The following KALRN variants were observed in gnomAD, a reference collection of about 807,000 sequenced individuals.
The protein encoded by KALRN is kalirin RhoGEF kinase.
Under a neutral mutation model 353.7 loss-of-function variants are expected in KALRN, and 70 were observed. The observed-to-expected ratio is 0.20, with a 90% CI of 0.16 to 0.24. KALRN has a LOEUF of 0.24. Among genes scored for constraint, KALRN ranks in the 10% least tolerant of loss-of-function variants. The pLI is 1.00. For missense variants in KALRN, 2,791 were observed against 3,756.7 expected (o/e 0.74, Z 6.72); for synonymous variants, 1,391 against 1,434.8 (o/e 0.97, Z 0.69).
intron 1 of KALRN, among the ~76,000 whole-genome samples, chr3:124,158,161 C>T (rs1299080398): frequency 5.3e-5 from 8 of 152,254 alleles, no homozygotes; most frequent in African/African-American, 1.9e-4. Context: ...TCACCTCCAC[C>T]CCACCCTCTG....
chr3:124,355,789 C>CACTGCAA (rs1474866231), intron 10 of KALRN, among the ~76,000 whole-genome samples: 1 of 138,074 alleles, frequency 7.2e-6, no homozygotes, highest in Non-Finnish European at 1.5e-5. Flanking sequence ...AACCTTGGCT[C>CACTGCAA]ACTGCAATCT....
chr3:124,101,375 G>T (rs939094307), intron 1 of KALRN, among the ~76,000 whole-genome samples: 35 of 152,184 alleles, frequency 2.3e-4, no homozygotes, highest in African/African-American at 8.2e-4. Flanking sequence ...TATTCTGCCA[G>T]AATTAGAGAA....
intron 1 of KALRN, among the ~76,000 whole-genome samples, chr3:124,074,538 T>A (rs2060175981): frequency 6.6e-6 from 1 of 152,222 alleles, no homozygotes; most frequent in South Asian, 2.1e-4. Context: ...GAATTTATCT[T>A]ATCTGGAGAG....
chr3:124,306,392 CAG>C (rs942648447), intron 6 of KALRN, among the ~76,000 whole-genome samples: 5 of 151,892 alleles, frequency 3.3e-5, no homozygotes, highest in African/African-American at 9.7e-5. Context: ...CAAGAAAAAA[CAG>C]AATTAACAAT....
At chr3:124,592,516 A>G (rs2075901342) in intron 34 of KALRN, among the ~76,000 whole-genome samples, 1 of 151,738 alleles carries the variant, frequency 6.6e-6, no homozygotes, top group African/African-American at 2.4e-5. Flanking sequence ...TAGCAATATC[A>G]TTGGAAACGT....
chr3:124,288,152 G>A (rs1367024618), intron 5 of KALRN, among the ~76,000 whole-genome samples: 1 of 152,122 alleles, frequency 6.6e-6, no homozygotes, highest in South Asian at 2.1e-4. Flanking sequence ...TGGGATTACA[G>A]GTGTGAGCCA....
chr3:124,118,982 C>G (rs983640892), intron 1 of KALRN, among the ~76,000 whole-genome samples: 36 of 152,200 alleles, frequency 2.4e-4, no homozygotes, highest in Non-Finnish European at 1.5e-4. Flanking sequence ...TGTTCCAATT[C>G]CGGTCTCCTT....
At chr3:124,146,634 T>C (rs1273158837) in intron 1 of KALRN, among the ~76,000 whole-genome samples, 3 of 151,840 alleles carry the variant, frequency 2.0e-5, no homozygotes, top group Non-Finnish European at 2.9e-5. Context: ...TCCCAGCACT[T>C]TGGGAGGCCG....
At chr3:124,275,368 T>C (rs1203420205) in intron 5 of KALRN, among the ~76,000 whole-genome samples, 1 of 152,250 alleles carries the variant, frequency 6.6e-6, no homozygotes, top group East Asian at 1.9e-4. Context: ...TAATACTTTT[T>C]GCTTTTGTGC....
At chr3:124,579,588 G>A (rs1444410886) in intron 34 of KALRN, among the ~76,000 whole-genome samples, 2 of 152,116 alleles carry the variant, frequency 1.3e-5, no homozygotes, top group Admixed American at 6.6e-5. Flanking sequence ...GCACAAGTAA[G>A]GTCCAGGAAT....
At chr3:124,058,557 C>A (rs2041750889) in intron 1 of KALRN, among the ~76,000 whole-genome samples, 1 of 152,190 alleles carries the variant, frequency 6.6e-6, no homozygotes, top group Non-Finnish European at 1.5e-5. Context: ...TCTTCTTTCT[C>A]AAGCTTGAAA....
chr3:124,033,390 G>T lies in KALRN; in HGVS notation c.-351G>T, dbSNP rs1191413293. Among the ~76,000 whole-genome samples the T allele has an allele frequency of 6.6e-6, 1 of 151,900 alleles. No individual in the cohort carries two copies. Among genetic ancestry groups the T allele is most frequent in the South Asian group, 2.1e-4 (1 of 4,824 alleles). On this transcript the variant is annotated 5_prime_UTR_variant, in exon 1 of 60. Coordinates refer to ENST00000682506, the MANE Select transcript of KALRN (RefSeq NM_001388419.1). The surrounding 1 kb of genome is among the most constrained non-coding windows in gnomAD (Gnocchi z 6.2). ...GAACAATAGAGACAGGCAGACGGGC[G>T]AGCAGGAGAGCCAGCTGCCGCTGCT...
intron 51 of KALRN, among the ~76,000 whole-genome samples, chr3:124,684,100 A>G (rs781293816): frequency 6.6e-6 from 1 of 152,146 alleles, no homozygotes; most frequent in Non-Finnish European, 1.5e-5. Flanking sequence ...GAAATTCTTT[A>G]GTGGACCCAG....
At chr3:124,701,795 T>G (rs915448635) in intron 56 of KALRN, among the ~76,000 whole-genome samples, 1 of 152,174 alleles carries the variant, frequency 6.6e-6, no homozygotes, top group African/African-American at 2.4e-5. Flanking sequence ...TATTTCTGAT[T>G]GTACTGCGTT....
At chr3:124,362,953 G>A (rs577987855) in intron 10 of KALRN, among the ~76,000 whole-genome samples, 3 of 152,080 alleles carry the variant, frequency 2.0e-5, no homozygotes, top group South Asian at 2.1e-4. Flanking sequence ...TTCATCCGCT[G>A]TAGCTGTCAC....
chr3:124,539,966 GTGGCA>G (rs2068867907), intron 33 of KALRN, among the ~76,000 whole-genome samples: 1 of 151,908 alleles, frequency 6.6e-6, no homozygotes, highest in Non-Finnish European at 1.5e-5. Flanking sequence ...CTGGAGTGCA[GTGGCA>G]TGATCTTGAC....
At position 124,496,372 on chromosome 3, in the gene KALRN, A is replaced by C. The variant is rs747178985; in HGVS notation, c.4894A>C (p.Ile1632Leu). The change falls in exon 33 of 60, where the codon ATT (isoleucine) becomes CTT (leucine). Residue 1632 changes from isoleucine to leucine, a missense_variant. This residue lies in a region of KALRN where 239 missense variants were observed against 351.3 expected (regional missense o/e 0.68). Coordinates refer to ENST00000682506, the MANE Select transcript of KALRN (RefSeq NM_001388419.1). ...DGSSQPDTIS[I>L]ASRTSQNTVD... ...GAGCAGCCAACCAGACACCATCTCC[A>C]TTGCTTCTAGGACCTCTCAGAACAC... 8 of 1,612,488 alleles carry C rather than the reference A, an allele frequency of 5.0e-6. No individual in the cohort carries two copies. Among genetic ancestry groups the C allele is most frequent in the Non-Finnish European group, 6.8e-6 (8 of 1,179,520 alleles).
intron 34 of KALRN, among the ~76,000 whole-genome samples, chr3:124,623,613 C>T (rs561670788): frequency 1.3e-5 from 2 of 152,224 alleles, no homozygotes; most frequent in South Asian, 2.1e-4. Context: ...AGTCTTTTCA[C>T]GTTTTATCTG....
Position 124,109,891 on chromosome 3 carries a change from T to C in KALRN, c.73+76078T>C, listed in dbSNP as rs13060053. Among the ~76,000 whole-genome samples, 16 of 7,802 alleles carry C rather than the reference T, an allele frequency of 2.1e-3. 1 individual carries two copies. Among genetic ancestry groups the C allele is most frequent in the South Asian group, 0.016 (1 of 64 alleles). The allele number at this position is 7,802 out of a possible 152,430, so 5.1% of individuals were successfully genotyped here. A position where few individuals can be genotyped will look rare whatever the true frequency, so the allele number is the denominator to read the frequency against. ...CATATATATCATACTTTGATATATA[T>C]ATGACATATATATCATACTTTGATA... On this transcript the variant is annotated intron_variant, in intron 1 of 59. Transcript: ENST00000682506.
Sources: allele counts gnomAD v4.1 joint callset (sites outside exome capture counted in the v4.1 genomes callset), GRCh38; gene constraint gnomAD v4.1.1; regional missense constraint gnomAD v4.1.1; non-coding constraint Gnocchi (gnomAD v3.1); transcripts MANE v1.5; gene names NCBI Gene and HGNC (gene_info 2026-07-23, HGNC 2026-07-21).